Variants in UNC80 observed in about 807,000 individuals in gnomAD.
UNC80 encodes the protein unc-80 subunit of NALCN channel complex.
Under a neutral mutation model 384.6 loss-of-function variants are expected in UNC80, and 164 were observed. The ratio of observed to expected loss-of-function variants is 0.43; its 90% confidence interval spans 0.38 to 0.49. The LOEUF is 0.49. Ranked by LOEUF, UNC80 falls within the 20% of genes least tolerant of loss-of-function variation. The pLI, the probability that UNC80 is intolerant of heterozygous loss-of-function variation, is 0.00. For synonymous variants in UNC80, 1,486 were observed against 1,527.8 expected (o/e 0.97, Z 0.64); for missense variants, 3,330 against 4,143.0 (o/e 0.80, Z 5.39).
chr2:209,912,815 A>T (rs536807688), intron 30 of UNC80, 148 bp downstream of exon 30: 25 of 587,782 alleles, frequency 4.3e-5, no homozygotes, highest in African/African-American at 2.9e-4. Flanking sequence ...GAGTGCCACC[A>T]AGTGTGCCAG....
intron 24 of UNC80, among the ~76,000 whole-genome samples, chr2:209,879,311 A>G (rs2085067599): frequency 6.6e-6 from 1 of 152,218 alleles, no homozygotes; most frequent in South Asian, 2.1e-4. Flanking sequence ...GGGGCCCTTC[A>G]GAACAGAGAG....
At chr2:209,786,239 C>A (rs763146485) in intron 5 of UNC80, 50 bp downstream of exon 5, 1 of 1,581,804 alleles carries the variant, frequency 6.3e-7, no homozygotes, top group Non-Finnish European at 8.6e-7. Context: ...TTCCCTCACA[C>A]ACAGTAGTTA....
intron 9 of UNC80, among the ~76,000 whole-genome samples, chr2:209,816,283 A>G (rs2079728790): frequency 6.6e-6 from 1 of 152,250 alleles, no homozygotes; most frequent in South Asian, 2.1e-4. Context: ...GTTATATTTT[A>G]AAAGCTTCCC....
chr2:209,840,846 GAA>G (rs1350908645), intron 20 of UNC80, among the ~76,000 whole-genome samples, 198 bp downstream of exon 20: 2 of 152,186 alleles, frequency 1.3e-5, no homozygotes, highest in Non-Finnish European at 2.9e-5. Context: ...AAGGGAAAAA[GAA>G]AAGTGTGGTC....
intron 22 of UNC80, among the ~76,000 whole-genome samples, chr2:209,867,907 C>T (rs2083971923): frequency 1.3e-5 from 2 of 152,188 alleles, no homozygotes; most frequent in Admixed American, 1.3e-4. Flanking sequence ...ATGAATTCTT[C>T]ACTCTTACTT....
Position 209,972,330 on chromosome 2 carries a change from AT to A in UNC80, c.8380+8del. 6.5e-7 allele frequency: 1 copy of A among 1,549,424 alleles called. No individual in the cohort carries two copies. ...AGTAGGATCTGGAAGCAAAGGTCTG[AT>A]TAATTTAACTAAAGGAAATTTATCA... On this transcript the variant is annotated splice_region_variant and intron_variant, in intron 55 of 64. Transcript: ENST00000673920.
At chr2:209,927,216 T>G (rs2090505844) in intron 36 of UNC80, among the ~76,000 whole-genome samples, 1 of 152,144 alleles carries the variant, frequency 6.6e-6, no homozygotes, top group African/African-American at 2.4e-5. Flanking sequence ...GGTAATTGGG[T>G]CCAGGAGCAT....
In UNC80 at chr2:209,967,591, A is replaced by G; in HGVS notation, c.7960A>G (p.Arg2654Gly). ...VRPALILILKRLDRMFNKIHK... is the reference protein window; with the variant it reads ...VRPALILILKGLDRMFNKIHK... ...GCCGGCCCTCATCCTCATTTTAAAA[A>G]GATTGGATAGAATGTTCAACAAAAT... Residue 2654 changes from arginine to glycine, a missense_variant, in exon 52 of 65, where the codon AGA becomes GGA. Arg to Gly is a moderately radical substitution (Grantham distance 125). Transcript: ENST00000673920. 6.4e-7 allele frequency: 1 copy of G among 1,551,710 alleles called. No individual in the cohort carries two copies. Among genetic ancestry groups the G allele is most frequent in the Non-Finnish European group, 8.7e-7 (1 of 1,146,986 alleles).
Position 209,996,537 on chromosome 2 carries a change from G to A in UNC80, c.*942G>A, listed in dbSNP as rs1051204552. ...TATTAAGGTTAGTGTTGTTAGAATC[G>A]GTTTAATAAAATAACATTTTCCTAA... On this transcript the variant is annotated 3_prime_UTR_variant, in exon 65 of 65. Coordinates refer to ENST00000673920, the MANE Select transcript of UNC80 (RefSeq NM_001371986.1). 3.3e-5 allele frequency: 5 copies of A among 152,066 alleles called. No homozygotes were observed. Among genetic ancestry groups the A allele is most frequent in the South Asian group, 2.1e-4 (1 of 4,826 alleles). 9.4% of individuals were successfully genotyped at this position (152,066 alleles called of 1,614,324 possible).
At chr2:209,987,676 T>G (rs1194684128) in intron 61 of UNC80, among the ~76,000 whole-genome samples, 1 of 152,112 alleles carries the variant, frequency 6.6e-6, no homozygotes, top group Non-Finnish European at 1.5e-5. Context: ...ACTCTAATTT[T>G]TTTTTAAAAA....
intron 38 of UNC80, among the ~76,000 whole-genome samples, chr2:209,933,191 C>A (rs2091010405): frequency 6.6e-6 from 1 of 152,006 alleles, no homozygotes; most frequent in South Asian, 2.1e-4. Context: ...CTCCTATTAA[C>A]AAAAAATAAA....
chr2:209,971,781 G>T (rs2092895159), intron 54 of UNC80, among the ~76,000 whole-genome samples: 1 of 152,222 alleles, frequency 6.6e-6, no homozygotes, highest in Non-Finnish European at 1.5e-5. Flanking sequence ...ATTGCATATT[G>T]TTTCCTGGCT....
At chr2:209,930,380 A>G (rs767643028) in intron 37 of UNC80, among the ~76,000 whole-genome samples, 1 of 152,160 alleles carries the variant, frequency 6.6e-6, no homozygotes, top group Non-Finnish European at 1.5e-5. Flanking sequence ...AAATAAAAGT[A>G]GTCTTTCAAG....
At chr2:209,786,269 C>T in intron 5 of UNC80, 80 bp downstream of exon 5, 19 of 1,481,430 alleles carry the variant, frequency 1.3e-5, no homozygotes, top group Non-Finnish European at 1.7e-5. Flanking sequence ...GATAATTTGC[C>T]CCTAAGAAGT....
rs1046119967 is a variant in UNC80, at chr2:209,936,018, T to C, written c.6273+210T>C. Among the ~76,000 whole-genome samples, 61 of 152,288 alleles carry C rather than the reference T, an allele frequency of 4.0e-4. 1 individual carries two copies. Among genetic ancestry groups the C allele is most frequent in the African/African-American group, 1.4e-3 (58 of 41,584 alleles). On this transcript the variant is annotated intron_variant, in intron 40 of 64. Coordinates refer to ENST00000673920, the MANE Select transcript of UNC80 (RefSeq NM_001371986.1). ...CTACTGACTTTAGTCAGTAAACTTT[T>C]AGTAATCTGATTTTCAGGAACATAG...
chr2:209,825,984 C>T lies in UNC80; in HGVS notation c.2409C>T (p.Ala803=). Residue 803 remains alanine, a synonymous_variant, in exon 14 of 65, where the codon GCC becomes GCT. Coordinates refer to ENST00000673920, the MANE Select transcript of UNC80 (RefSeq NM_001371986.1). ...LIKIVKSLGC[A]YGCGEGHRGL... ...AAATAGTGAAGTCTTTGGGATGTGC[C>T]TATGGTTGTGGTGAAGGACACCGAG... is the stretch of plus-strand genomic sequence containing the variant. 6.4e-6 allele frequency: 10 copies of T among 1,550,812 alleles called. No homozygotes were observed. Among genetic ancestry groups the T allele is most frequent in the Non-Finnish European group, 8.7e-6 (10 of 1,146,460 alleles).
Position 209,973,214 on chromosome 2 carries a change from G to A in UNC80, c.8531G>A (p.Gly2844Glu), listed in dbSNP as rs1474897306. 2 of 1,551,572 alleles carry A rather than the reference G, an allele frequency of 1.3e-6. No individual in the cohort carries two copies. Among genetic ancestry groups the A allele is most frequent in the South Asian group, 1.2e-5 (1 of 84,060 alleles). ...PAHCSTPGDA[G>E]KDLRREGLAE... ...CACTGCTCCACCCCTGGGGATGCGG[G>A]GAAAGACTTGCGCAGGGAAGGGCTG... Residue 2844 changes from glycine (G) to glutamate (E), a missense_variant, in exon 56 of 65, where the codon GGG becomes GAG. By Grantham distance (98) the Gly-to-Glu change is moderately conservative. This residue lies in a region of UNC80 where 1,049 missense variants were observed against 1,488.6 expected (regional missense o/e 0.70). Coordinates refer to ENST00000673920, the MANE Select transcript of UNC80 (RefSeq NM_001371986.1).
chr2:209,881,131 C>T (rs17748818), intron 25 of UNC80, 37 bp downstream of exon 25: 185,779 of 1,549,326 alleles, frequency 0.12, 12,664 homozygotes, highest in South Asian at 0.26. Context: ...TCAGGTTACT[C>T]GGAGAGGCCA....
chr2:209,922,105 T>C (rs2090083445), intron 34 of UNC80, 147 bp from the exon 35 acceptor site: 2 of 1,049,800 alleles, frequency 1.9e-6, no homozygotes, highest in Non-Finnish European at 2.6e-6. Context: ...GCTTTTTTAA[T>C]TTTTATTTTT....
Sources: allele counts gnomAD v4.1 joint callset (sites outside exome capture counted in the v4.1 genomes callset), GRCh38; gene constraint gnomAD v4.1.1; regional missense constraint gnomAD v4.1.1; transcripts MANE v1.5; gene names NCBI Gene and HGNC (gene_info 2026-07-23, HGNC 2026-07-21).